The following FBXL7 variants were observed in gnomAD, a reference collection of about 807,000 sequenced individuals.
FBXL7 encodes the protein F-box and leucine rich repeat protein 7.
Under a neutral mutation model 38.3 loss-of-function variants are expected in FBXL7, and 12 were observed. The observed-to-expected ratio is 0.31, with a 90% confidence interval of 0.20 to 0.51. The LOEUF is 0.51. Ranked by LOEUF, FBXL7 falls within the 20% of genes least tolerant of loss-of-function variation. FBXL7 has a pLI of 0.98. For missense variants in FBXL7, 567 were observed against 676.4 expected (o/e 0.84, Z 1.79); for synonymous variants, 297 against 300.9 (o/e 0.99, Z 0.13).
intron 2 of FBXL7, among the ~76,000 whole-genome samples, chr5:15,822,001 C>A (rs1738182226): frequency 6.6e-6 from 1 of 152,200 alleles, no homozygotes; most frequent in South Asian, 2.1e-4. Context: ...TCAGTAAAAA[C>A]CATTTTCTGT....
rs1010404281 is a variant in FBXL7, at chr5:15,928,618, G to A, written c.739+117G>A. The A allele has an allele frequency of 7.4e-7, 1 of 1,344,742 alleles. No individual in the cohort carries two copies. The highest frequency in any genetic ancestry group is 1.0e-6 in the Non-Finnish European group (1 of 993,060). The allele number at this position is 1,344,742 out of a possible 1,614,324, so 83.3% of individuals were successfully genotyped here. On this transcript the variant is annotated intron_variant, in intron 3 of 3. Transcript: ENST00000504595. The surrounding 1 kb of genome is among the most constrained non-coding windows in gnomAD (Gnocchi z 4.0). ...TGCAAGCCATCAGAGATGGGGGCGGGTGGTAGGGAGGCTGGCTTTTGCAGA... is the reference window on the plus strand; with the variant it reads ...TGCAAGCCATCAGAGATGGGGGCGGATGGTAGGGAGGCTGGCTTTTGCAGA...
intron 2 of FBXL7, among the ~76,000 whole-genome samples, chr5:15,875,340 T>C (rs1740155044): frequency 1.3e-5 from 2 of 151,022 alleles, no homozygotes; most frequent in Non-Finnish European, 3.0e-5. Context: ...TACCATTGCA[T>C]GTGCAAAGAC....
chr5:15,564,810 A>T (rs1274414569), intron 1 of FBXL7, among the ~76,000 whole-genome samples: 1 of 152,124 alleles, frequency 6.6e-6, no homozygotes, highest in East Asian at 1.9e-4. Flanking sequence ...TATGCCTGAA[A>T]TACATTCAAA....
At chr5:15,915,796 A>G (rs758285396) in intron 2 of FBXL7, among the ~76,000 whole-genome samples, 1 of 152,274 alleles carries the variant, frequency 6.6e-6, no homozygotes, top group Non-Finnish European at 1.5e-5. Context: ...GGGAAGGAAG[A>G]CTAGAATCAG....
intron 2 of FBXL7, among the ~76,000 whole-genome samples, chr5:15,853,158 G>C (rs576626998): frequency 1.3e-5 from 2 of 152,280 alleles, no homozygotes; most frequent in African/African-American, 4.8e-5. Context: ...TTGTTCCAGA[G>C]TCCACACTCA....
chr5:15,720,226 C>A (rs186935041), intron 2 of FBXL7, among the ~76,000 whole-genome samples: 1 of 149,076 alleles, frequency 6.7e-6, no homozygotes, highest in East Asian at 1.9e-4. Flanking sequence ...AATGAGCCCA[C>A]ATTATGGATG....
intron 2 of FBXL7, among the ~76,000 whole-genome samples, chr5:15,677,542 G>A (rs919412541): frequency 6.6e-6 from 1 of 151,028 alleles, no homozygotes; most frequent in Non-Finnish European, 1.5e-5. Flanking sequence ...AGGGAGGGAA[G>A]GAAAGGAAGG....
chr5:15,885,094 G>A (rs1206474392), intron 2 of FBXL7, among the ~76,000 whole-genome samples: 2 of 152,208 alleles, frequency 1.3e-5, no homozygotes, highest in Non-Finnish European at 2.9e-5. Context: ...TGTTGTCTGG[G>A]ACTGCAGTCA....
At chr5:15,814,408 C>A (rs747707762) in intron 2 of FBXL7, among the ~76,000 whole-genome samples, 1 of 152,010 alleles carries the variant, frequency 6.6e-6, no homozygotes, top group Non-Finnish European at 1.5e-5. Flanking sequence ...AAGGGAACAT[C>A]GCACACTGGG....
chr5:15,799,999 C>T (rs937629577), intron 2 of FBXL7, among the ~76,000 whole-genome samples: 10 of 151,974 alleles, frequency 6.6e-5, no homozygotes, highest in African/African-American at 2.4e-5. Context: ...CTTTTTGAAG[C>T]GGTCAGGAAA....
intron 2 of FBXL7, among the ~76,000 whole-genome samples, chr5:15,652,764 C>G (rs4339351): frequency 0.94 from 143,718 of 152,280 alleles, 67,892 homozygotes; most frequent in East Asian, 1. Flanking sequence ...AAGATGGCTG[C>G]TCAGTGGAGC....
At chr5:15,802,131 A>G (rs368208546) in intron 2 of FBXL7, among the ~76,000 whole-genome samples, 3 of 152,008 alleles carry the variant, frequency 2.0e-5, no homozygotes, top group East Asian at 3.9e-4. Context: ...TCCAAAATCT[A>G]TCTTGGATCT....
intron 2 of FBXL7, among the ~76,000 whole-genome samples, chr5:15,617,412 T>C (rs1023588464): frequency 2.1e-4 from 32 of 150,590 alleles, no homozygotes; most frequent in Admixed American, 1.1e-3. Context: ...TCTCGTTAAC[T>C]GATTCTAGAC....
chr5:15,860,374 C>A (rs1031470738), intron 2 of FBXL7, among the ~76,000 whole-genome samples: 1 of 152,110 alleles, frequency 6.6e-6, no homozygotes, highest in South Asian at 2.1e-4. Context: ...TTGAGAAATG[C>A]CCTCTGGCTG....
intron 2 of FBXL7, 103 bp from the exon 3 acceptor site, chr5:15,927,764 TAAAAAAAAAAAAAAAAAAAAAAA>T (rs1741917241): frequency 2.5e-6 from 1 of 401,974 alleles, no homozygotes; most frequent in Admixed American, 1.1e-4. Context: ...GACAAGATCT[TAAAAAAAAAAAAAAAAAAAAAAA>T]GAAGAAGAAA....
At chr5:15,525,372 T>C (rs1737222937) in intron 1 of FBXL7, among the ~76,000 whole-genome samples, 1 of 152,208 alleles carries the variant, frequency 6.6e-6, no homozygotes, top group Admixed American at 6.5e-5. Context: ...CTTTTCCATT[T>C]AAAAAATCCC....
intron 1 of FBXL7, among the ~76,000 whole-genome samples, chr5:15,554,646 C>A (rs567498551): frequency 6.6e-6 from 1 of 152,156 alleles, no homozygotes; most frequent in Non-Finnish European, 1.5e-5. Context: ...GAGCCTCAGG[C>A]CCCACCTGAG....
chr5:15,735,731 CCTGAGGG>C (rs1735732423), intron 2 of FBXL7, among the ~76,000 whole-genome samples: 1 of 152,088 alleles, frequency 6.6e-6, no homozygotes. Flanking sequence ...GAGCAGATGA[CCTGAGGG>C]AAGTGAGATT....
intron 2 of FBXL7, among the ~76,000 whole-genome samples, chr5:15,641,115 A>T (rs756519170): frequency 1.5e-4 from 23 of 152,166 alleles, no homozygotes; most frequent in Non-Finnish European, 2.4e-4. Flanking sequence ...AAGAATTGCT[A>T]CACTCTCCAG....
Sources: allele counts gnomAD v4.1 joint callset (sites outside exome capture counted in the v4.1 genomes callset), GRCh38; gene constraint gnomAD v4.1.1; non-coding constraint Gnocchi (gnomAD v3.1); transcripts MANE v1.5; gene names NCBI Gene and HGNC (gene_info 2026-07-23, HGNC 2026-07-21).